The following STIM2 variants were observed in gnomAD, a reference collection of about 807,000 sequenced individuals.
STIM2 encodes the protein stromal interaction molecule 2.
STIM2 carries 31 observed loss-of-function variants against 85.8 expected under a neutral mutation model. The ratio of observed to expected loss-of-function variants is 0.36; its 90% confidence interval spans 0.27 to 0.49. The LOEUF is 0.49. STIM2 is among the 20% of genes least tolerant of loss of function. The pLI, the probability that STIM2 is intolerant of heterozygous loss-of-function variation, is 0.98. For synonymous variants in STIM2, 356 were observed against 331.1 expected (o/e 1.08, Z -0.82); for missense variants, 841 against 927.6 (o/e 0.91, Z 1.21).
chr4:26,943,709 T>G (rs754324601), intron 2 of STIM2, among the ~76,000 whole-genome samples: 1 of 152,170 alleles, frequency 6.6e-6, no homozygotes, highest in Non-Finnish European at 1.5e-5. Context: ...TGGATGGGGC[T>G]AAGAAATATT....
At chr4:26,964,978 T>G (rs1442486973) in intron 3 of STIM2, among the ~76,000 whole-genome samples, 1 of 152,206 alleles carries the variant, frequency 6.6e-6, no homozygotes, top group Non-Finnish European at 1.5e-5. Flanking sequence ...GCTAGGAGGA[T>G]ATTTGTACTT....
At chr4:26,984,838 TA>T (rs1220531266) in intron 3 of STIM2, among the ~76,000 whole-genome samples, 1 of 152,212 alleles carries the variant, frequency 6.6e-6, no homozygotes, top group Non-Finnish European at 1.5e-5. Context: ...AACACCTTGG[TA>T]ATTTTTAAGT....
chr4:26,890,916 A>C (rs184342953), intron 1 of STIM2, among the ~76,000 whole-genome samples: 1 of 152,156 alleles, frequency 6.6e-6, no homozygotes, highest in Non-Finnish European at 1.5e-5. Context: ...TGATTAACCT[A>C]TATGAGCCTG....
intron 1 of STIM2, among the ~76,000 whole-genome samples, chr4:26,891,599 C>CACACACACACA (rs1212823566): frequency 1.4e-5 from 2 of 138,814 alleles, no homozygotes; most frequent in African/African-American, 5.9e-5. Flanking sequence ...ACACACACAC[C>CACACACACACA]CCCTTTTGGT....
At chr4:26,929,742 T>C (rs1262009396) in intron 2 of STIM2, among the ~76,000 whole-genome samples, 1 of 152,160 alleles carries the variant, frequency 6.6e-6, no homozygotes, top group African/African-American at 2.4e-5. Context: ...TTATACCAGA[T>C]ACTCAAATAG....
At chr4:26,903,561 G>A (rs965295893) in intron 1 of STIM2, among the ~76,000 whole-genome samples, 1 of 152,070 alleles carries the variant, frequency 6.6e-6, no homozygotes, top group African/African-American at 2.4e-5. Context: ...TGAGACAAGA[G>A]CATAAAATTA....
intron 1 of STIM2, among the ~76,000 whole-genome samples, chr4:26,862,750 G>A (rs1722266356): frequency 6.6e-6 from 1 of 152,204 alleles, no homozygotes; most frequent in South Asian, 2.1e-4. Context: ...GCATAGTACA[G>A]TTTGAGTGAG....
chr4:26,913,440 G>T (rs567242954), intron 1 of STIM2, among the ~76,000 whole-genome samples: 3 of 152,118 alleles, frequency 2.0e-5, no homozygotes, highest in African/African-American at 4.8e-5. Flanking sequence ...GTTCCCCTTG[G>T]TTATTTTTGT....
Position 26,860,869 on chromosome 4 carries a change from C to T in STIM2, c.-350C>T, listed in dbSNP as rs1455565695. On this transcript the variant is annotated 5_prime_UTR_variant, in exon 1 of 12. Coordinates refer to ENST00000467087, the MANE Select transcript of STIM2 (RefSeq NM_020860.4). Reference sequence around the variant, plus strand: ...GCAGCGGATCCCGGTCTCGCCGCAGCAGCAGCGCGGGTGTCGTGCACCGCC... The same window carrying T: ...GCAGCGGATCCCGGTCTCGCCGCAGTAGCAGCGCGGGTGTCGTGCACCGCC... 2.3e-6 allele frequency: 2 copies of T among 879,908 alleles called. No individual in the cohort carries two copies. The highest frequency in any genetic ancestry group is 1.2e-4 in the East Asian group (1 of 8,480). 54.5% of individuals were successfully genotyped at this position (879,908 alleles called of 1,614,324 possible). A position where few individuals can be genotyped will look rare whatever the true frequency, so the allele number is the denominator to read the frequency against.
At chr4:27,001,926 T>C (rs956747817) in intron 5 of STIM2, among the ~76,000 whole-genome samples, 2 of 152,194 alleles carry the variant, frequency 1.3e-5, no homozygotes, top group Non-Finnish European at 2.9e-5. Context: ...TTGGAGGTGC[T>C]GTTGCTTTTT....
At chr4:26,953,871 C>T (rs911997901) in intron 2 of STIM2, among the ~76,000 whole-genome samples, 2 of 152,078 alleles carry the variant, frequency 1.3e-5, no homozygotes, top group African/African-American at 4.8e-5. Flanking sequence ...CCAAGTGGTC[C>T]AGTTTTTCAT....
rs150992858 is a variant in STIM2, at chr4:27,008,812, C to T, written c.1299C>T (p.Arg433=). Residue 433 remains arginine (R), a synonymous_variant, in exon 10 of 12, where the codon CGC becomes CGT. Coordinates refer to ENST00000467087, the MANE Select transcript of STIM2 (RefSeq NM_020860.4). Reference sequence around the variant, plus strand: ...CTTGTTTACGAGAACGACTTTTTCGCTGGCAACAAATTGAGAAGATCTGTG... The same window carrying T: ...CTTGTTTACGAGAACGACTTTTTCGTTGGCAACAAATTGAGAAGATCTGTG... 1 of 1,613,998 alleles carries T rather than the reference C, an allele frequency of 6.2e-7. No individual in the cohort carries two copies. The highest frequency in any genetic ancestry group is 8.5e-7 in the Non-Finnish European group (1 of 1,180,016).
At chr4:26,877,803 GA>G (rs1314853572) in intron 1 of STIM2, among the ~76,000 whole-genome samples, 1 of 152,148 alleles carries the variant, frequency 6.6e-6, no homozygotes, top group Non-Finnish European at 1.5e-5. Context: ...AACTCCTGTT[GA>G]AATTTAATTG....
At chr4:26,984,213 G>A (rs1450068750) in intron 3 of STIM2, among the ~76,000 whole-genome samples, 1 of 152,132 alleles carries the variant, frequency 6.6e-6, no homozygotes, top group Non-Finnish European at 1.5e-5. Context: ...TACTAATTGA[G>A]TTCCAACTAA....
chr4:26,869,400 C>T (rs570722729), intron 1 of STIM2, among the ~76,000 whole-genome samples: 12 of 151,894 alleles, frequency 7.9e-5, no homozygotes, highest in Admixed American at 4.6e-4. Context: ...AGTGAGAAAG[C>T]CAGTCGTTGG....
rs1325268422 is a variant in STIM2 at position 27,023,628 on chromosome 4, T to C, written c.*632T>C. ...GAAATGAAAACCCGCGCTTTTATTA[T>C]GGGAAGCTTCTTGAACTGCATTTAC... On this transcript the variant is annotated 3_prime_UTR_variant, in exon 12 of 12. Transcript: ENST00000467087. 1.3e-5 allele frequency: 2 copies of C among 152,530 alleles called. No individual in the cohort carries two copies. The highest frequency in any genetic ancestry group is 2.1e-4 in the South Asian group (1 of 4,834). The allele number at this position is 152,530 out of a possible 1,614,324, so 9.4% of individuals were successfully genotyped here.
intron 2 of STIM2, among the ~76,000 whole-genome samples, chr4:26,955,267 T>G (rs1726204568): frequency 6.8e-6 from 1 of 148,046 alleles, no homozygotes; most frequent in Non-Finnish European, 1.5e-5. Context: ...GGAAATTTGC[T>G]TATTTTCTGT....
intron 2 of STIM2, among the ~76,000 whole-genome samples, chr4:26,936,576 A>G (rs1435542584): frequency 2.0e-5 from 3 of 152,232 alleles, no homozygotes; most frequent in Non-Finnish European, 2.9e-5. Flanking sequence ...GTTCAGTTAT[A>G]TACAGATTAA....
chr4:26,936,642 T>C (rs1445278443), intron 2 of STIM2, among the ~76,000 whole-genome samples: 2 of 152,230 alleles, frequency 1.3e-5, no homozygotes, highest in African/African-American at 4.8e-5. Flanking sequence ...TGTGGAAAGA[T>C]ATGCTTCACT....
Sources: allele counts gnomAD v4.1 joint callset (sites outside exome capture counted in the v4.1 genomes callset), GRCh38; gene constraint gnomAD v4.1.1; transcripts MANE v1.5; gene names NCBI Gene and HGNC (gene_info 2026-07-23, HGNC 2026-07-21).